The following ROBO1 variants were observed in gnomAD, a reference collection of about 807,000 sequenced individuals.
ROBO1 encodes the protein roundabout guidance receptor 1, also known as roundabout homolog 1.
A neutral mutation model predicts 195.9 loss-of-function variants in ROBO1; 149 were observed. The ratio of observed to expected loss-of-function variants is 0.76; its 90% confidence interval spans 0.67 to 0.87. The LOEUF is 0.87. Among genes scored for constraint, ROBO1 ranks in the 40% least tolerant of loss-of-function variants. The pLI is 0.00. For synonymous variants in ROBO1, 816 were observed against 733.2 expected, an observed-to-expected ratio of 1.11 and a Z score of -1.82; for missense variants, 1,933 against 2,068.3, an observed-to-expected ratio of 0.93 and a Z score of 1.27.
At chr3:78,824,276 T>C (rs9873248) in intron 4 of ROBO1, among the ~76,000 whole-genome samples, 48,019 of 151,954 alleles carry the variant, frequency 0.32, 8,570 homozygotes, top group South Asian at 0.46. Context: ...GTTTTTGCAA[T>C]TGAAAGTAAT....
At chr3:79,120,292 G>A (rs1207481632) in intron 3 of ROBO1, among the ~76,000 whole-genome samples, 1 of 152,072 alleles carries the variant, frequency 6.6e-6, no homozygotes, top group Non-Finnish European at 1.5e-5. Context: ...GGATAGCAGA[G>A]AAACTAGAGA....
intron 1 of ROBO1, among the ~76,000 whole-genome samples, chr3:79,638,973 G>T (rs900532030): frequency 3.9e-5 from 6 of 152,110 alleles, no homozygotes; most frequent in African/African-American, 1.4e-4. Flanking sequence ...TTGTTAAATT[G>T]AAATTCTAAA....
chr3:79,066,570 G>A (rs1290759437), intron 3 of ROBO1, among the ~76,000 whole-genome samples: 1 of 151,834 alleles, frequency 6.6e-6, no homozygotes, highest in South Asian at 2.1e-4. Context: ...AACTGCCAGA[G>A]TAATTTTTTT....
intron 2 of ROBO1, among the ~76,000 whole-genome samples, chr3:79,554,828 A>T (rs567265026): frequency 2.6e-5 from 4 of 152,228 alleles, no homozygotes; most frequent in Non-Finnish European, 4.4e-5. Flanking sequence ...ATTGCTTTCT[A>T]ATCTATGAAG....
rs192502397 is a variant in ROBO1, at chr3:78,634,242, C to A, written c.3374-200G>T. On this transcript the variant is annotated intron_variant, in intron 23 of 30. Coordinates refer to ENST00000464233, the MANE Select transcript of ROBO1 (RefSeq NM_002941.4). Reference sequence around the variant, plus strand: ...CCAAATATATATAAACTATAAATAACTTTAATAATATAATATCAATATGAT... The same window carrying A: ...CCAAATATATATAAACTATAAATAAATTTAATAATATAATATCAATATGAT... Among the ~76,000 whole-genome samples the A allele has an allele frequency of 3.3e-5, 5 of 151,496 alleles. No individual in the cohort carries two copies. In the East Asian group the frequency reaches 5.8e-4, roughly 18 times the overall value.
At chr3:79,510,864 A>T (rs1222982932) in intron 2 of ROBO1, among the ~76,000 whole-genome samples, 2 of 152,116 alleles carry the variant, frequency 1.3e-5, no homozygotes, top group Non-Finnish European at 2.9e-5. Flanking sequence ...AACATCATGT[A>T]TTTACTTTGG....
intron 1 of ROBO1, among the ~76,000 whole-genome samples, chr3:79,687,431 C>G (rs1305234286): frequency 5.9e-5 from 9 of 152,124 alleles, no homozygotes; most frequent in Admixed American, 5.9e-4. Flanking sequence ...TCAGAGTGAA[C>G]AGGCAACCTA....
intron 14 of ROBO1, among the ~76,000 whole-genome samples, chr3:78,662,508 A>G (rs750460921): frequency 3.3e-5 from 5 of 152,176 alleles, no homozygotes; most frequent in Non-Finnish European, 7.3e-5. Flanking sequence ...CAAGACAGAA[A>G]AGAGACTGAA....
chr3:79,438,445 C>T (rs552811627), intron 2 of ROBO1, among the ~76,000 whole-genome samples: 9 of 152,056 alleles, frequency 5.9e-5, no homozygotes, highest in East Asian at 1.9e-4. Flanking sequence ...CTATTCCTTA[C>T]ATCAAATATG....
chr3:79,482,627 T>G (rs1245660991), intron 2 of ROBO1, among the ~76,000 whole-genome samples: 4 of 152,070 alleles, frequency 2.6e-5, no homozygotes, highest in Admixed American at 2.0e-4. Flanking sequence ...TAAAAACAAC[T>G]AATACAGGAA....
Position 79,587,585 on chromosome 3 carries a change from G to A in ROBO1, c.88+2239C>T, listed in dbSNP as rs559769459. Among the ~76,000 whole-genome samples the A allele has an allele frequency of 2.3e-3, 347 of 151,536 alleles. 1 individual carries two copies. Among genetic ancestry groups the A allele is most frequent in the African/African-American group, 7.7e-3 (320 of 41,426 alleles). ...TGATGAAGGAGATTTTTTTTCTTAA[G>A]AGAAAGAGTGGAAAAAATCAGTTGA... On this transcript the variant is annotated intron_variant, in intron 2 of 30. Coordinates refer to ENST00000464233, the MANE Select transcript of ROBO1 (RefSeq NM_002941.4).
chr3:79,390,286 A>G (rs2036899402), intron 2 of ROBO1, among the ~76,000 whole-genome samples: 1 of 151,892 alleles, frequency 6.6e-6, no homozygotes, highest in Admixed American at 6.6e-5. Context: ...CGGCTCTGAA[A>G]CAACAACAAC....
At chr3:79,097,907 A>G (rs1027655638) in intron 3 of ROBO1, among the ~76,000 whole-genome samples, 1 of 151,656 alleles carries the variant, frequency 6.6e-6, no homozygotes, top group African/African-American at 2.4e-5. Context: ...CTAATCTCCT[A>G]GAGATTATAT....
At chr3:79,727,409 T>C (rs2107331637) in intron 1 of ROBO1, among the ~76,000 whole-genome samples, 1 of 152,330 alleles carries the variant, frequency 6.6e-6, no homozygotes, top group African/African-American at 2.4e-5. Flanking sequence ...CTGCAATTCA[T>C]AAACAAGGTT....
chr3:78,817,086 G>A (rs1050830438), intron 4 of ROBO1, among the ~76,000 whole-genome samples: 27 of 152,186 alleles, frequency 1.8e-4, no homozygotes, highest in Non-Finnish European at 4.0e-4. Flanking sequence ...GAAGTTCTCT[G>A]AGTAAAATGT....
chr3:79,106,552 CTG>C (rs1201555899), intron 3 of ROBO1, among the ~76,000 whole-genome samples: 1 of 151,598 alleles, frequency 6.6e-6, no homozygotes, highest in Admixed American at 6.6e-5. Context: ...AAACAATTGA[CTG>C]TGCTTAGTGC....
At chr3:79,114,777 T>G (rs1372814425) in intron 3 of ROBO1, among the ~76,000 whole-genome samples, 2 of 152,216 alleles carry the variant, frequency 1.3e-5, no homozygotes, top group Non-Finnish European at 2.9e-5. Context: ...TTTTGGATTT[T>G]GGAAGAAACA....
intron 3 of ROBO1, among the ~76,000 whole-genome samples, chr3:79,039,801 C>CA (rs1214691931): frequency 5.8e-5 from 3 of 51,320 alleles, no homozygotes; most frequent in South Asian, 2.4e-3. Flanking sequence ...GACTCCGTCT[C>CA]AAAAAAAAAA....
chr3:79,488,786 T>A (rs1939294156), intron 2 of ROBO1, among the ~76,000 whole-genome samples: 3 of 152,136 alleles, frequency 2.0e-5, no homozygotes, highest in African/African-American at 7.2e-5. Flanking sequence ...CCTGGCGCCA[T>A]GTACTTTGGA....
Sources: allele counts gnomAD v4.1 joint callset (sites outside exome capture counted in the v4.1 genomes callset), GRCh38; gene constraint gnomAD v4.1.1; transcripts MANE v1.5; gene names NCBI Gene and HGNC (gene_info 2026-07-23, HGNC 2026-07-21).